The following SLC25A26 variants were observed in gnomAD, a reference collection of about 807,000 sequenced individuals.
SLC25A26 encodes solute carrier family 25 member 26, also known as mitochondrial S-adenosylmethionine carrier protein.
A neutral mutation model predicts 37.8 loss-of-function variants in SLC25A26; 36 were observed. The observed-to-expected ratio is 0.95, with a 90% CI of 0.73 to 1.26. The LOEUF (loss-of-function observed/expected upper bound fraction) is 1.26. Ranked by LOEUF, SLC25A26 falls within the 50% of genes most tolerant of loss-of-function variation. The probability of loss-of-function intolerance (pLI) is 0.00; values close to 1 mark genes in which losing one functional copy is unlikely to be tolerated. For synonymous variants in SLC25A26, 129 were observed against 122.5 expected, an observed-to-expected ratio of 1.05 and a Z score of -0.35; for missense variants, 390 against 331.1, an observed-to-expected ratio of 1.18 and a Z score of -1.38.
At chr3:66,295,528 A>G (rs1000691452) in intron 5 of SLC25A26, among the ~76,000 whole-genome samples, 3 of 151,094 alleles carry the variant, frequency 2.0e-5, no homozygotes, top group Admixed American at 1.3e-4. Flanking sequence ...CAGCCTCCTG[A>G]GTAGCTGGGA....
intron 5 of SLC25A26, among the ~76,000 whole-genome samples, chr3:66,286,269 A>G (rs1167042223): frequency 6.6e-6 from 1 of 152,174 alleles, no homozygotes; most frequent in Non-Finnish European, 1.5e-5. Flanking sequence ...AACTCTGCCT[A>G]ACTCTAAGTC....
chr3:66,172,027 C>A (rs1489520758), intron 1 of SLC25A26, among the ~76,000 whole-genome samples: 1 of 152,146 alleles, frequency 6.6e-6, no homozygotes, highest in East Asian at 1.9e-4. Context: ...CAACATCCTG[C>A]GCTCCCCTCC....
chr3:66,166,180 G>A (rs1349579793), intron 1 of SLC25A26, among the ~76,000 whole-genome samples: 2 of 152,174 alleles, frequency 1.3e-5, no homozygotes, highest in African/African-American at 4.8e-5. Flanking sequence ...TAGAATTGAA[G>A]GTGACATACT....
intron 5 of SLC25A26, among the ~76,000 whole-genome samples, chr3:66,319,990 G>T (rs1237039010): frequency 2.0e-5 from 3 of 151,806 alleles, no homozygotes; most frequent in South Asian, 2.1e-4. Flanking sequence ...CAGGTGATCC[G>T]CTGCCTTAGC....
At chr3:66,290,923 G>C (rs1014231651) in intron 5 of SLC25A26, among the ~76,000 whole-genome samples, 1 of 152,108 alleles carries the variant, frequency 6.6e-6, no homozygotes, top group Non-Finnish European at 1.5e-5. Flanking sequence ...GGTAGAATTC[G>C]GCTGTGAATC....
Position 66,263,350 on chromosome 3 carries a change from C to T in SLC25A26, c.424C>T (p.Arg142Ter), listed in dbSNP as rs755461919. 8 of 1,611,940 alleles carry T rather than the reference C, an allele frequency of 5.0e-6. No homozygotes were observed. The highest frequency in any genetic ancestry group is 3.3e-5 in the Admixed American group (2 of 59,896). ...LYEEGIQGLYRGYKSTVLREI... is the reference protein window; with the variant it reads ...LYEEGIQGLY ...GTTTCAGGGTATCCAAGGGTTGTAT[C>T]GAGGCTATAAAAGCACAGTTTTAAG... The change falls in exon 5 of 10, where the codon CGA becomes TGA. Residue 142 changes from arginine to a stop codon, truncating the protein, a stop_gained. Transcript: ENST00000354883. LOFTEE classifies it high-confidence loss of function.
chr3:66,228,609 C>T (rs909214355), intron 1 of SLC25A26, among the ~76,000 whole-genome samples: 1 of 152,120 alleles, frequency 6.6e-6, no homozygotes, highest in African/African-American at 2.4e-5. Context: ...AAATATGGTC[C>T]CCCACCTTCA....
At chr3:66,357,452 C>T (rs1232531047) in intron 6 of SLC25A26, among the ~76,000 whole-genome samples, 1 of 152,136 alleles carries the variant, frequency 6.6e-6, no homozygotes, top group Non-Finnish European at 1.5e-5. Context: ...GGAAATGGGA[C>T]ATTGAATTGG....
At chr3:66,297,220 C>T (rs777653585) in intron 5 of SLC25A26, among the ~76,000 whole-genome samples, 2 of 150,224 alleles carry the variant, frequency 1.3e-5, no homozygotes, top group Admixed American at 6.7e-5. Context: ...CCCAGCTATT[C>T]GGGAGGCTGA....
At chr3:66,256,885 CCT>C (rs2073325168) in intron 3 of SLC25A26, among the ~76,000 whole-genome samples, 1 of 152,070 alleles carries the variant, frequency 6.6e-6, no homozygotes, top group Non-Finnish European at 1.5e-5. Flanking sequence ...AGAACGATAC[CCT>C]GTTTCTATGT....
chr3:66,270,261 T>C (rs2073911867), intron 5 of SLC25A26, among the ~76,000 whole-genome samples: 1 of 152,216 alleles, frequency 6.6e-6, no homozygotes, highest in Admixed American at 6.5e-5. Flanking sequence ...GTGCTATAAT[T>C]ATTCATTTAC....
At chr3:66,357,496 C>T (rs967668773) in intron 6 of SLC25A26, among the ~76,000 whole-genome samples, 4 of 151,978 alleles carry the variant, frequency 2.6e-5, no homozygotes, top group Admixed American at 2.6e-4. Flanking sequence ...AAATGTGGCC[C>T]CTTGCTTTTT....
intron 5 of SLC25A26, among the ~76,000 whole-genome samples, chr3:66,325,266 C>A (rs1334552273): frequency 1.3e-5 from 2 of 152,196 alleles, no homozygotes; most frequent in South Asian, 2.1e-4. Flanking sequence ...TGAGGTGATG[C>A]ACACCTATCT....
chr3:66,336,996 T>G (rs2076105655), intron 5 of SLC25A26, among the ~76,000 whole-genome samples: 1 of 152,130 alleles, frequency 6.6e-6, no homozygotes, highest in South Asian at 2.1e-4. Flanking sequence ...ATCAGACATG[T>G]GTTGGAAAAT....
intron 5 of SLC25A26, among the ~76,000 whole-genome samples, chr3:66,328,741 T>A (rs1249092772): frequency 6.6e-6 from 1 of 152,206 alleles, no homozygotes; most frequent in East Asian, 1.9e-4. Context: ...AGTTTCTCTT[T>A]ATAAGATTTT....
chr3:66,147,537 G>A (rs140568030), intron 1 of SLC25A26, among the ~76,000 whole-genome samples: 168 of 152,054 alleles, frequency 1.1e-3, no homozygotes, highest in African/African-American at 2.1e-3. Flanking sequence ...TGGACTGTGC[G>A]GCTATAAATG....
At chr3:66,266,804 G>A (rs962226539) in intron 5 of SLC25A26, among the ~76,000 whole-genome samples, 4 of 152,146 alleles carry the variant, frequency 2.6e-5, no homozygotes, top group African/African-American at 9.7e-5. Flanking sequence ...TAAGATGAAA[G>A]TGGGGAGCAA....
chr3:66,227,595 A>G (rs1553661198), intron 1 of SLC25A26, among the ~76,000 whole-genome samples: 1 of 152,166 alleles, frequency 6.6e-6, no homozygotes, highest in Non-Finnish European at 1.5e-5. Context: ...TGGGAGATTC[A>G]TGTTATTTAA....
chr3:66,227,858 T>A (rs1392663800), intron 1 of SLC25A26, among the ~76,000 whole-genome samples: 1 of 152,186 alleles, frequency 6.6e-6, no homozygotes, highest in Non-Finnish European at 1.5e-5. Context: ...TGAAGAAAGG[T>A]AATACGAATG....
Sources: allele counts gnomAD v4.1 joint callset (sites outside exome capture counted in the v4.1 genomes callset), GRCh38; gene constraint gnomAD v4.1.1; transcripts MANE v1.5; gene names NCBI Gene and HGNC (gene_info 2026-07-23, HGNC 2026-07-21).